The following GAB2 variants were observed in gnomAD, a reference collection of about 807,000 sequenced individuals.
GAB2 encodes GRB2-associated-binding protein 2.
A neutral mutation model predicts 65.5 loss-of-function variants in GAB2; 26 were observed. The observed-to-expected ratio is 0.40, with a 90% CI of 0.29 to 0.55. GAB2 has a LOEUF of 0.55. Among genes scored for constraint, GAB2 ranks in the 20% least tolerant of loss-of-function variants. The pLI, the probability that GAB2 is intolerant of heterozygous loss-of-function variation, is 0.53. For synonymous variants in GAB2, 321 were observed against 329.6 expected (o/e 0.97, Z 0.28); for missense variants, 884 against 875.8 (o/e 1.01, Z -0.12).
intron 3 of GAB2, among the ~76,000 whole-genome samples, chr11:78,234,142 A>G (rs1357608704): frequency 6.6e-6 from 1 of 152,076 alleles, no homozygotes; most frequent in Non-Finnish European, 1.5e-5. Context: ...GTGCAATGGA[A>G]TGATCTTGGC....
At chr11:78,226,413 C>T in intron 4 of GAB2, 52 bp downstream of exon 4, 1 of 1,390,800 alleles carries the variant, frequency 7.2e-7, no homozygotes, top group South Asian at 1.2e-5. Flanking sequence ...CTATTGAGAA[C>T]CCCTGTGTTA....
At chr11:78,225,964 A>G (rs1017352619) in intron 4 of GAB2, among the ~76,000 whole-genome samples, 5 of 152,268 alleles carry the variant, frequency 3.3e-5, no homozygotes, top group Non-Finnish European at 5.9e-5. Context: ...GTGGAAAACA[A>G]GTAACAATAG....
At chr11:78,247,951 A>G (rs2134518024) in intron 3 of GAB2, among the ~76,000 whole-genome samples, 2 of 152,308 alleles carry the variant, frequency 1.3e-5, no homozygotes, top group East Asian at 3.9e-4. Context: ...AGAGAAGAAC[A>G]TGACTTGGTC....
chr11:78,407,675 A>AATAAAGAAAGAAAGAGATGGC (rs1857068441), intron 1 of GAB2, among the ~76,000 whole-genome samples: 2 of 147,608 alleles, frequency 1.4e-5, no homozygotes, highest in African/African-American at 5.3e-5. Flanking sequence ...GAAAGAAAGA[A>AATAAAGAAAGAAAGAGATGGC]AGAAAGAAAG....
intron 1 of GAB2, among the ~76,000 whole-genome samples, chr11:78,363,015 A>AC (rs1367844822): frequency 3.9e-5 from 6 of 152,232 alleles, no homozygotes; most frequent in African/African-American, 1.4e-4. Flanking sequence ...AGTCCATTAC[A>AC]TAATGGGAGA....
chr11:78,391,637 G>C (rs1325658999), intron 1 of GAB2, among the ~76,000 whole-genome samples: 2 of 152,198 alleles, frequency 1.3e-5, no homozygotes, highest in Admixed American at 6.5e-5. Flanking sequence ...GCTGAGCAGA[G>C]CCTTTGAGTC....
chr11:78,220,794 C>G (rs1310328584), intron 8 of GAB2, among the ~76,000 whole-genome samples: 1 of 152,232 alleles, frequency 6.6e-6, no homozygotes, highest in Non-Finnish European at 1.5e-5. Flanking sequence ...TCTAGCACAT[C>G]AGGCCAAGTC....
rs34961678 is a variant in GAB2 at position 78,250,348 on chromosome 11, A to G, written c.429T>C (p.Ala143=). 6.1e-3 allele frequency: 9,913 copies of G among 1,613,488 alleles called. 489 individuals are homozygous for G. The African/African-American group carries it at 0.11, about 18-fold the overall frequency. ...GGTGCTGGCTAGAGCTGCTGAGCTC[A>G]GCTGGAGAAGAGCGGGGGCCATGAC... ...SAGHGPRSSP[A]ELSSSSQHLL... is the part of the protein sequence containing the mutation. Residue 143 remains alanine, a synonymous_variant, in exon 3 of 10, where the codon GCT becomes GCC. Coordinates refer to ENST00000361507, the MANE Select transcript of GAB2 (RefSeq NM_080491.3).
chr11:78,358,271 A>G (rs1379970333), intron 1 of GAB2, among the ~76,000 whole-genome samples: 3 of 123,448 alleles, frequency 2.4e-5, no homozygotes, highest in African/African-American at 9.1e-5. Flanking sequence ...CAGGAAGGGG[A>G]ACATCACACA....
chr11:78,402,959 C>T (rs368322726), intron 1 of GAB2, among the ~76,000 whole-genome samples: 1 of 152,102 alleles, frequency 6.6e-6, no homozygotes, highest in South Asian at 2.1e-4. Flanking sequence ...AAATTAGAGA[C>T]ATTATAATTA....
intron 3 of GAB2, among the ~76,000 whole-genome samples, chr11:78,248,895 C>T (rs1441258326): frequency 2.0e-5 from 3 of 152,196 alleles, no homozygotes; most frequent in Admixed American, 1.3e-4. Context: ...TTACAGTTAA[C>T]GCCACTAACT....
chr11:78,270,837 AC>A (rs1233837462), intron 2 of GAB2, among the ~76,000 whole-genome samples: 10 of 152,286 alleles, frequency 6.6e-5, no homozygotes, highest in African/African-American at 2.4e-4. Context: ...TACCTGTGCA[AC>A]CTCCCAACAA....
At chr11:78,364,703 T>C (rs993500544) in intron 1 of GAB2, among the ~76,000 whole-genome samples, 1 of 152,200 alleles carries the variant, frequency 6.6e-6, no homozygotes, top group African/African-American at 2.4e-5. Context: ...GTGATAGGCC[T>C]TGAGTTTGCT....
chr11:78,383,424 G>A (rs1172951753), intron 1 of GAB2, among the ~76,000 whole-genome samples: 2 of 150,964 alleles, frequency 1.3e-5, no homozygotes, highest in Middle Eastern at 3.3e-3. Flanking sequence ...GCATAGCTAC[G>A]ACAATGTCTT....
Position 78,223,596 on chromosome 11 carries a change from G to A in GAB2, c.1383C>T (p.Thr461=). The A allele has an allele frequency of 6.2e-7, 1 of 1,613,534 alleles. No individual in the cohort carries two copies. The highest frequency in any genetic ancestry group is 8.5e-7 in the Non-Finnish European group (1 of 1,179,616). Residue 461 remains threonine, a synonymous_variant, in exon 6 of 10, where the codon ACC becomes ACT. Transcript: ENST00000361507. ...CACCTGCTCGTTCCATGGCCAACAG[G>A]GTGGAAGAACCTGGATTCATGGGCA... ...NYVPMNPGSS[T]LLAMERAGDN... is the part of the protein sequence containing the mutation.
chr11:78,370,725 A>ATGTGTGTGTGTGTGTATGTGTGTGTGTG (rs1856561312), intron 1 of GAB2, among the ~76,000 whole-genome samples: 2 of 148,786 alleles, frequency 1.3e-5, no homozygotes, highest in Non-Finnish European at 3.0e-5. Flanking sequence ...GTGTGTGTGT[A>ATGTGTGTGTGTGTGTATGTGTGTGTGTG]TGTGTGTGTG....
intron 1 of GAB2, among the ~76,000 whole-genome samples, chr11:78,406,322 A>C (rs1244909192): frequency 6.6e-6 from 1 of 152,140 alleles, no homozygotes; most frequent in Non-Finnish European, 1.5e-5. Context: ...TCCAGATAAA[A>C]CACAAGGTTT....
chr11:78,317,452 CG>C (rs1456540838), intron 1 of GAB2, among the ~76,000 whole-genome samples: 2 of 147,574 alleles, frequency 1.4e-5, no homozygotes, highest in African/African-American at 5.0e-5. Context: ...CCCAGCCACT[CG>C]GGAGGCTGAA....
At chr11:78,278,183 C>T (rs1338010651) in intron 2 of GAB2, among the ~76,000 whole-genome samples, 2 of 151,582 alleles carry the variant, frequency 1.3e-5, no homozygotes, top group African/African-American at 2.4e-5. Flanking sequence ...GATTCTTCTG[C>T]CTCAGCCTCC....
Sources: allele counts gnomAD v4.1 joint callset (sites outside exome capture counted in the v4.1 genomes callset), GRCh38; gene constraint gnomAD v4.1.1; transcripts MANE v1.5; gene names NCBI Gene and HGNC (gene_info 2026-07-23, HGNC 2026-07-21).